CADPS2: variants seen among roughly 807,000 people sequenced by gnomAD.
The protein encoded by CADPS2 is calcium dependent secretion activator 2.
A neutral mutation model predicts 172.5 loss-of-function variants in CADPS2; 93 were observed. The ratio of observed to expected loss-of-function variants is 0.54; its 90% CI spans 0.46 to 0.64. CADPS2 has a LOEUF of 0.64. CADPS2 is among the 30% of genes least tolerant of loss of function. The pLI, the probability that CADPS2 is intolerant of heterozygous loss-of-function variation, is 0.00. For synonymous variants in CADPS2, 546 were observed against 555.2 expected, an observed-to-expected ratio of 0.98 and a Z score of 0.23; for missense variants, 1,420 against 1,565.9, an observed-to-expected ratio of 0.91 and a Z score of 1.57.
chr7:122,744,370 T>G (rs913543022), intron 1 of CADPS2, among the ~76,000 whole-genome samples: 3 of 152,198 alleles, frequency 2.0e-5, no homozygotes, highest in African/African-American at 7.2e-5. Context: ...TATTGGGATT[T>G]ATTGGTAATA....
chr7:122,602,871 G>C lies in CADPS2; in HGVS notation c.1223+12310C>G, dbSNP rs947820544. 3.3e-5 allele frequency among the ~76,000 whole-genome samples: 5 copies of C among 152,058 alleles called. No individual in the cohort carries two copies. The South Asian group carries it at 8.3e-4, about 25-fold the overall frequency. On this transcript the variant is annotated intron_variant, in intron 6 of 29. Coordinates refer to ENST00000449022, the MANE Select transcript of CADPS2 (RefSeq NM_017954.11). The stretch of plus-strand genomic sequence containing the variant: ...TTTGCTAATCCACGTGTCAGTTGCA[G>C]AGGAAGATCCCAGCTTCACCTTAAT...
chr7:122,709,732 A>T (rs574721533), intron 2 of CADPS2, among the ~76,000 whole-genome samples: 1 of 152,258 alleles, frequency 6.6e-6, no homozygotes, highest in South Asian at 2.1e-4. Flanking sequence ...CAGCCATAAA[A>T]AATGATGAGT....
At chr7:122,391,756 C>A (rs2044387468) in intron 22 of CADPS2, among the ~76,000 whole-genome samples, 1 of 152,050 alleles carries the variant, frequency 6.6e-6, no homozygotes, top group South Asian at 2.1e-4. Context: ...TTTCCTATTT[C>A]TTTTCTTGAT....
chr7:122,464,551 A>G (rs1283809108), intron 14 of CADPS2, among the ~76,000 whole-genome samples: 2 of 152,202 alleles, frequency 1.3e-5, no homozygotes, highest in Non-Finnish European at 2.9e-5. Flanking sequence ...ACATCTTTAC[A>G]GTAGAGAAAT....
chr7:122,545,549 T>G (rs2063538816), intron 8 of CADPS2, among the ~76,000 whole-genome samples: 1 of 143,702 alleles, frequency 7.0e-6, no homozygotes, highest in South Asian at 2.1e-4. Context: ...CAACTGAATT[T>G]TTTTTTTAGT....
intron 7 of CADPS2, among the ~76,000 whole-genome samples, chr7:122,568,460 T>C (rs2066756402): frequency 6.6e-6 from 1 of 152,046 alleles, no homozygotes. Flanking sequence ...TACAAAACTA[T>C]AGCAAGATAT....
intron 28 of CADPS2, among the ~76,000 whole-genome samples, chr7:122,327,812 G>T (rs1047924783): frequency 2.0e-5 from 3 of 151,714 alleles, no homozygotes; most frequent in African/African-American, 7.3e-5. Flanking sequence ...AAAGTTAACT[G>T]CAAAAACAGA....
chr7:122,498,140 G>C (rs79305097), intron 9 of CADPS2, among the ~76,000 whole-genome samples: 5,940 of 152,140 alleles, frequency 0.039, 153 homozygotes, highest in Non-Finnish European at 0.06. Flanking sequence ...TAGAGACGGG[G>C]GTTCACCACG....
At chr7:122,800,726 C>T (rs779681578) in intron 1 of CADPS2, among the ~76,000 whole-genome samples, 3 of 152,232 alleles carry the variant, frequency 2.0e-5, no homozygotes, top group African/African-American at 4.8e-5. Flanking sequence ...TGGTGGCTCA[C>T]GTCTGTAATC....
At chr7:122,480,086 A>C (rs2057108655) in intron 12 of CADPS2, 1 of 470,368 alleles carries the variant, frequency 2.1e-6, no homozygotes, top group Admixed American at 2.4e-5. Context: ...TCAATCTGGC[A>C]ACTCTAGCAC....
At chr7:122,619,015 A>G (rs981614690) in intron 5 of CADPS2, among the ~76,000 whole-genome samples, 1 of 152,180 alleles carries the variant, frequency 6.6e-6, no homozygotes, top group East Asian at 1.9e-4. Context: ...GACCATGCAA[A>G]GTGAAGTTTT....
chr7:122,380,300 C>G (rs1489632263), intron 24 of CADPS2, among the ~76,000 whole-genome samples: 1 of 152,110 alleles, frequency 6.6e-6, no homozygotes, highest in Admixed American at 6.6e-5. Flanking sequence ...CCAATAGCCA[C>G]TTCACAGAAA....
intron 12 of CADPS2, among the ~76,000 whole-genome samples, chr7:122,480,491 AT>A (rs1375485700): frequency 6.6e-6 from 1 of 152,178 alleles, no homozygotes; most frequent in African/African-American, 2.4e-5. Context: ...TTTAGATGTA[AT>A]TCTACCTATA....
intron 17 of CADPS2, among the ~76,000 whole-genome samples, chr7:122,430,511 A>G (rs747049387): frequency 1.1e-4 from 16 of 152,228 alleles, no homozygotes; most frequent in Non-Finnish European, 2.4e-4. Context: ...ATGATGCTTC[A>G]GTGTTATCTC....
chr7:122,828,456 G>T (rs1805579660), intron 1 of CADPS2, among the ~76,000 whole-genome samples: 3 of 151,536 alleles, frequency 2.0e-5, no homozygotes, highest in South Asian at 2.1e-4. Context: ...TTTTCTACTT[G>T]TTTCCTCTGG....
intron 7 of CADPS2, among the ~76,000 whole-genome samples, chr7:122,566,539 A>C (rs1192184861): frequency 6.6e-6 from 1 of 152,104 alleles, no homozygotes; most frequent in African/African-American, 2.4e-5. Context: ...TGAATGAATA[A>C]AATGGGGTGG....
At chr7:122,449,332 T>A (rs2052734756) in intron 15 of CADPS2, among the ~76,000 whole-genome samples, 1 of 152,120 alleles carries the variant, frequency 6.6e-6, no homozygotes, top group South Asian at 2.1e-4. Flanking sequence ...TTTGTTTTTG[T>A]TTTTTTGAGA....
At chr7:122,822,948 T>C (rs923429459) in intron 1 of CADPS2, among the ~76,000 whole-genome samples, 3 of 152,180 alleles carry the variant, frequency 2.0e-5, no homozygotes, top group Non-Finnish European at 4.4e-5. Flanking sequence ...TAAACAGCCA[T>C]GTTGCTCACA....
In CADPS2 at chr7:122,481,209, A is replaced by G. The variant is rs1036577841; in HGVS notation, c.1853-349T>C. 1.8e-4 allele frequency among the ~76,000 whole-genome samples: 23 copies of G among 129,964 alleles called. 1 individual carries two copies. In the East Asian group the frequency reaches 4.3e-3, roughly 25 times the overall value. 85.3% of individuals were successfully genotyped at this position (129,964 alleles called of 152,430 possible). On this transcript the variant is annotated intron_variant, in intron 11 of 29. Transcript: ENST00000449022. ...TTGACGGAGTCTTGCTCTGTTGCCC[A>G]GGCTGGAGTGCAGTGGTGCGAACGT...
Sources: allele counts gnomAD v4.1 joint callset (sites outside exome capture counted in the v4.1 genomes callset), GRCh38; gene constraint gnomAD v4.1.1; transcripts MANE v1.5; gene names NCBI Gene and HGNC (gene_info 2026-07-23, HGNC 2026-07-21).